Variants in DHX57 observed in about 807,000 individuals in gnomAD.
The protein encoded by DHX57 is putative ATP-dependent RNA helicase DHX57.
Under a neutral mutation model 156.2 loss-of-function variants are expected in DHX57, and 105 were observed. That is an observed-to-expected ratio of 0.67 (90% CI 0.57 to 0.79). The LOEUF (loss-of-function observed/expected upper bound fraction) is 0.79. DHX57 is among the 30% of genes least tolerant of loss of function. The probability of loss-of-function intolerance (pLI) is 0.00; values close to 1 mark genes in which losing one functional copy is unlikely to be tolerated. For synonymous variants in DHX57, 704 were observed against 595.6 expected (o/e 1.18, Z -2.65); for missense variants, 1,847 against 1,661.9 (o/e 1.11, Z -1.94).
In DHX57 at chr2:38,798,252, G is replaced by C; in HGVS notation, c.*47C>G. On this transcript the variant is annotated 3_prime_UTR_variant, in exon 24 of 24. Transcript: ENST00000457308. ...GTAGAGGTTCTGCTGTTATTTCCCA[G>C]GTGAGCTAGAAGCAGGTGAGTAGCA... The C allele has an allele frequency of 6.3e-7, 1 of 1,575,252 alleles. No homozygotes were observed. The highest frequency in any genetic ancestry group is 8.6e-7 in the Non-Finnish European group (1 of 1,162,254).
intron 1 of DHX57, among the ~76,000 whole-genome samples, chr2:38,874,401 A>AT (rs60727396): frequency 2.5e-4 from 19 of 75,468 alleles, no homozygotes; most frequent in African/African-American, 1.0e-3. Flanking sequence ...GAAATACTGT[A>AT]TTTTTTTTTT....
At chr2:38,825,051 A>G (rs1237628717) in intron 16 of DHX57, among the ~76,000 whole-genome samples, 1 of 152,218 alleles carries the variant, frequency 6.6e-6, no homozygotes, top group Non-Finnish European at 1.5e-5. Context: ...ATTCAGAAAA[A>G]GAGTTCTCAT....
At chr2:38,815,060 A>T (rs112094219) in intron 20 of DHX57, among the ~76,000 whole-genome samples, 9 of 146,194 alleles carry the variant, frequency 6.2e-5, no homozygotes, top group South Asian at 2.2e-4. Context: ...ACTTAAAAAA[A>T]TTTTTTTATA....
At chr2:38,860,116 G>A (rs1390233496) in intron 5 of DHX57, among the ~76,000 whole-genome samples, 1 of 150,080 alleles carries the variant, frequency 6.7e-6, no homozygotes, top group African/African-American at 2.4e-5. Context: ...ACCACACCCA[G>A]CAGAGAATTC....
intron 20 of DHX57, 65 bp from the exon 21 acceptor site, chr2:38,813,960 T>C: frequency 6.4e-7 from 1 of 1,567,864 alleles, no homozygotes; most frequent in Admixed American, 1.7e-5. Flanking sequence ...CTTTTTGAGA[T>C]GGAGTCTTGC....
At chr2:38,867,861 T>C (rs950453731) in intron 2 of DHX57, among the ~76,000 whole-genome samples, 2 of 152,198 alleles carry the variant, frequency 1.3e-5, no homozygotes, top group Admixed American at 6.5e-5. Flanking sequence ...CCTGTCCATG[T>C]TCAATGTTAA....
Position 38,868,325 on chromosome 2 carries a change from C to A in DHX57, c.81G>T (p.Arg27Ser). 6.2e-7 allele frequency: 1 copy of A among 1,612,974 alleles called. No homozygotes were observed. The highest frequency in any genetic ancestry group is 1.1e-5 in the South Asian group (1 of 91,048). The change falls in exon 2 of 24, where the codon AGG becomes AGT. Residue 27 changes from arginine (R) to serine (S), a missense_variant. Transcript: ENST00000457308. ...TCCCATGAGATTTACTGGCGTGACT[C>A]CTGCCTCCTCTTCCTCCTCTAGAAG... Reference protein sequence around the residue: ...KGSSRGGRGGRSHASKSHGSG... With the variant: ...KGSSRGGRGGSSHASKSHGSG...
intron 13 of DHX57, among the ~76,000 whole-genome samples, chr2:38,833,002 T>A (rs979762067): frequency 1.3e-5 from 2 of 149,322 alleles, no homozygotes; most frequent in Admixed American, 1.3e-4. Flanking sequence ...TTTTTTTTTT[T>A]CTGAGACGGA....
rs1430062045 is a variant in DHX57, at chr2:38,855,115, T to C, written c.1847A>G (p.Glu616Gly). The C allele has an allele frequency of 1.2e-6, 2 of 1,614,124 alleles. No individual in the cohort carries two copies. Among genetic ancestry groups the C allele is most frequent in the Non-Finnish European group, 1.7e-6 (2 of 1,180,032 alleles). The change falls in exon 8 of 24, where the codon GAA (glutamate) becomes GGA (glycine). Residue 616 changes from glutamate (E) to glycine (G), a missense_variant. By Grantham distance (98) the Glu-to-Gly change is moderately conservative. Transcript: ENST00000457308. ...AISVAERVAK[E>G]RAERVGLTVG... ...GGTCAGACCCACCCTCTCTGCTCTTTCTTTAGCAACGCGTTCAGCAACAGA... is the reference window on the plus strand; with the variant it reads ...GGTCAGACCCACCCTCTCTGCTCTTCCTTTAGCAACGCGTTCAGCAACAGA...
chr2:38,805,903 G>A (rs956639820), intron 22 of DHX57, among the ~76,000 whole-genome samples: 1 of 152,144 alleles, frequency 6.6e-6, no homozygotes, highest in Non-Finnish European at 1.5e-5. Flanking sequence ...GCCTTTGGTG[G>A]TTCAGGAAGA....
chr2:38,874,470 C>A (rs1665508274), intron 1 of DHX57, among the ~76,000 whole-genome samples: 1 of 140,580 alleles, frequency 7.1e-6, no homozygotes, highest in Admixed American at 7.6e-5. Context: ...AGTGCACTGG[C>A]GCAGTCTCAG....
intron 11 of DHX57, 37 bp downstream of exon 11, chr2:38,846,982 G>C (rs776427395): frequency 6.4e-7 from 1 of 1,562,668 alleles, no homozygotes; most frequent in Admixed American, 1.7e-5. Context: ...CACCATGCCA[G>C]GTCCTTTCAC....
chr2:38,841,238 A>G (rs1044793074), intron 12 of DHX57, among the ~76,000 whole-genome samples: 3 of 152,244 alleles, frequency 2.0e-5, no homozygotes, highest in Admixed American at 1.3e-4. Flanking sequence ...AATTAGAATC[A>G]TGGATCTGCA....
chr2:38,873,881 G>C (rs538121399), intron 1 of DHX57, among the ~76,000 whole-genome samples: 1 of 152,092 alleles, frequency 6.6e-6, no homozygotes, highest in Non-Finnish European at 1.5e-5. Flanking sequence ...GCCTCTTTGA[G>C]ATTTTAAAGG....
At chr2:38,862,751 A>G (rs1673302310) in intron 3 of DHX57, 1 of 156,236 alleles carries the variant, frequency 6.4e-6, no homozygotes, top group Non-Finnish European at 1.4e-5. Context: ...CTCTCTTCTC[A>G]TTCATAAAAA....
At chr2:38,864,856 C>G (rs1664979920) in intron 2 of DHX57, among the ~76,000 whole-genome samples, 1 of 152,296 alleles carries the variant, frequency 6.6e-6, no homozygotes, top group Admixed American at 6.5e-5. Context: ...TCAGTATTTC[C>G]TATGCTACTA....
chr2:38,808,047 C>T (rs1042594881), intron 21 of DHX57, among the ~76,000 whole-genome samples: 14 of 141,344 alleles, frequency 9.9e-5, no homozygotes, highest in East Asian at 2.2e-4. Flanking sequence ...CTCCGCCTCT[C>T]GGGTTCAAGT....
At chr2:38,828,484 A>G (rs1179696910) in intron 13 of DHX57, 48 bp from the exon 14 acceptor site, 1 of 1,353,292 alleles carries the variant, frequency 7.4e-7, no homozygotes, top group South Asian at 1.4e-5. Context: ...AGGCACAGAA[A>G]AGAAACAAGA....
At chr2:38,798,750 G>C (rs543071970) in intron 23 of DHX57, among the ~76,000 whole-genome samples, 23 of 151,380 alleles carry the variant, frequency 1.5e-4, no homozygotes, top group Non-Finnish European at 3.1e-4. Flanking sequence ...TCAAGACCAG[G>C]CTGGCCAACA....
Sources: gnomAD v4.1 joint callset for allele counts (sites outside exome capture counted in the v4.1 genomes callset) on GRCh38, gnomAD v4.1.1 for gene constraint, MANE v1.5 for transcripts, NCBI Gene and HGNC (gene_info 2026-07-23, HGNC 2026-07-21) for gene names.